The following THSD7B variants were observed in gnomAD, a reference collection of about 807,000 sequenced individuals.
THSD7B encodes the protein thrombospondin type 1 domain containing 7B, also known as thrombospondin type-1 domain-containing protein 7B.
In THSD7B, 138 loss-of-function variants were observed where a neutral mutation model predicts 213.6. That is an observed-to-expected ratio of 0.65 (90% CI 0.56 to 0.74). The LOEUF is 0.74. Among genes scored for constraint, THSD7B ranks in the 30% least tolerant of loss-of-function variants. THSD7B has a pLI of 0.00. For missense variants in THSD7B, 1,931 were observed against 1,991.5 expected, an observed-to-expected ratio of 0.97 and a Z score of 0.58; for synonymous variants, 742 against 687.0, an observed-to-expected ratio of 1.08 and a Z score of -1.25.
intron 21 of THSD7B, among the ~76,000 whole-genome samples, chr2:137,644,536 T>A (rs1340600824): frequency 6.6e-6 from 1 of 151,656 alleles, no homozygotes; most frequent in Non-Finnish European, 1.5e-5. Context: ...CTAAGTTGAG[T>A]TTTTCCTGAC....
intron 12 of THSD7B, among the ~76,000 whole-genome samples, chr2:137,306,532 C>T (rs1450087076): frequency 6.6e-6 from 1 of 152,096 alleles, no homozygotes; most frequent in Non-Finnish European, 1.5e-5. Context: ...TCATTATTCT[C>T]ATCGTCATTT....
chr2:136,881,894 T>C (rs956412846), intron 1 of THSD7B, among the ~76,000 whole-genome samples: 4 of 152,154 alleles, frequency 2.6e-5, no homozygotes, highest in Non-Finnish European at 4.4e-5. Context: ...GGGAAATAAG[T>C]AGTTTTATCA....
chr2:137,616,131 A>C (rs769293184), intron 17 of THSD7B, 44 bp from the exon 18 acceptor site: 1 of 1,599,094 alleles, frequency 6.3e-7, no homozygotes, highest in Admixed American at 1.7e-5. Flanking sequence ...TAATTTATCA[A>C]ATAACTTGCC....
At chr2:137,650,172 G>A (rs1683111308) in intron 21 of THSD7B, among the ~76,000 whole-genome samples, 1 of 152,072 alleles carries the variant, frequency 6.6e-6, no homozygotes, top group African/African-American at 2.4e-5. Flanking sequence ...AATTGCTTTG[G>A]AAGTATCATC....
At chr2:137,611,199 T>C (rs1682283610) in intron 17 of THSD7B, among the ~76,000 whole-genome samples, 2 of 151,866 alleles carry the variant, frequency 1.3e-5, no homozygotes. Context: ...TGGTCTACTA[T>C]AAAAATGTGT....
chr2:137,399,675 A>G (rs1408785656), intron 12 of THSD7B, among the ~76,000 whole-genome samples: 1 of 151,656 alleles, frequency 6.6e-6, no homozygotes, highest in Non-Finnish European at 1.5e-5. Flanking sequence ...TATCAGGGTG[A>G]TTTTTTTCTT....
chr2:136,832,244 C>T (rs1300456649), intron 1 of THSD7B, among the ~76,000 whole-genome samples: 3 of 151,092 alleles, frequency 2.0e-5, no homozygotes, highest in African/African-American at 4.9e-5. Context: ...ATACATATAT[C>T]TCACACAGTT....
intron 12 of THSD7B, among the ~76,000 whole-genome samples, chr2:137,312,612 T>C (rs1683946761): frequency 6.6e-6 from 1 of 151,412 alleles, no homozygotes; most frequent in Admixed American, 6.6e-5. Flanking sequence ...GTGTCAATTT[T>C]GGATCTTTCC....
chr2:137,202,007 A>G (rs10169324), intron 7 of THSD7B, among the ~76,000 whole-genome samples: 91,183 of 151,924 alleles, frequency 0.6, 27,757 homozygotes, highest in South Asian at 0.72. Context: ...TTGATTCTCT[A>G]TAGATTCTGG....
At chr2:137,587,059 T>C (rs1445082172) in intron 17 of THSD7B, among the ~76,000 whole-genome samples, 1 of 152,204 alleles carries the variant, frequency 6.6e-6, no homozygotes, top group Admixed American at 6.5e-5. Context: ...TTCTCTAAAC[T>C]TCTCTTCTCA....
chr2:137,575,838 C>A (rs1351217935), intron 17 of THSD7B, among the ~76,000 whole-genome samples: 2 of 151,760 alleles, frequency 1.3e-5, no homozygotes, highest in African/African-American at 4.8e-5. Context: ...AGTGTTTACT[C>A]TTTAAAAGTA....
intron 12 of THSD7B, among the ~76,000 whole-genome samples, chr2:137,369,167 A>ATG (rs1553443817): frequency 1.3e-5 from 2 of 149,840 alleles, no homozygotes; most frequent in Admixed American, 6.7e-5. Flanking sequence ...ATATATATAT[A>ATG]TTTTTGACAA....
chr2:137,407,063 T>C (rs1057063920), intron 13 of THSD7B, among the ~76,000 whole-genome samples: 7 of 152,174 alleles, frequency 4.6e-5, no homozygotes, highest in Non-Finnish European at 7.4e-5. Context: ...AGGGAAGTTT[T>C]TAATTAGTGG....
intron 2 of THSD7B, among the ~76,000 whole-genome samples, chr2:136,965,348 C>T (rs1222994765): frequency 6.6e-6 from 1 of 152,096 alleles, no homozygotes; most frequent in Non-Finnish European, 1.5e-5. Context: ...GTGAAGAGTG[C>T]TGGGGTGAAA....
At chr2:137,184,823 A>G (rs1304351936) in intron 7 of THSD7B, among the ~76,000 whole-genome samples, 2 of 152,182 alleles carry the variant, frequency 1.3e-5, no homozygotes, top group African/African-American at 4.8e-5. Context: ...TAAGGCATAG[A>G]TGGGCCAAAA....
chr2:136,973,133 G>A (rs576423646), intron 2 of THSD7B, among the ~76,000 whole-genome samples: 2 of 152,140 alleles, frequency 1.3e-5, no homozygotes, highest in Non-Finnish European at 2.9e-5. Flanking sequence ...ATCTTAGGAA[G>A]CACAAAGATT....
chr2:137,570,576 G>A (rs376642443), intron 16 of THSD7B, among the ~76,000 whole-genome samples: 4 of 152,290 alleles, frequency 2.6e-5, no homozygotes, highest in African/African-American at 9.6e-5. Flanking sequence ...AACTCTTAAA[G>A]TGCAGGATAA....
chr2:137,122,887 C>T (rs989687560), intron 5 of THSD7B, among the ~76,000 whole-genome samples: 2 of 152,136 alleles, frequency 1.3e-5, no homozygotes, highest in Admixed American at 1.3e-4. Context: ...TGCTCCTCAG[C>T]CACTACAGCA....
intron 7 of THSD7B, among the ~76,000 whole-genome samples, chr2:137,208,401 A>G (rs1433382444): frequency 1.3e-5 from 2 of 150,730 alleles, no homozygotes; most frequent in African/African-American, 2.5e-5. Context: ...CCACAGTAAA[A>G]TTTGTTTAAT....
Sources: gnomAD v4.1 joint callset for allele counts (sites outside exome capture counted in the v4.1 genomes callset) on GRCh38, gnomAD v4.1.1 for gene constraint, MANE v1.5 for transcripts, NCBI Gene and HGNC (gene_info 2026-07-23, HGNC 2026-07-21) for gene names.